SHF: variants seen among roughly 807,000 people sequenced by gnomAD.
SHF encodes the protein Src homology 2 domain containing F.
In SHF, 30 loss-of-function variants were observed where a neutral mutation model predicts 42.4. That is an observed-to-expected ratio of 0.71 (90% CI 0.53 to 0.96). The LOEUF is 0.96. SHF is among the 40% of genes least tolerant of loss of function. SHF has a pLI of 0.00. For synonymous variants in SHF, 264 were observed against 269.9 expected (o/e 0.98, Z 0.21); for missense variants, 598 against 634.0 (o/e 0.94, Z 0.61).
In SHF at chr15:45,168,386, G is replaced by A. The variant is rs75704524; in HGVS notation, c.1281-253C>T. Among the ~76,000 whole-genome samples, 523 of 152,286 alleles carry A rather than the reference G, an allele frequency of 3.4e-3. 3 individuals are homozygous for A. Among genetic ancestry groups the A allele is most frequent in the African/African-American group, 0.012 (505 of 41,562 alleles). ...GAATGTGTGTATAGGGAGCATACAG[G>A]GTGTGTGCAGGTGGAAACTGAGCGA... On this transcript the variant is annotated intron_variant, in intron 6 of 6. Transcript: ENST00000690270.
chr15:45,200,057 A>G (rs1056131992), intron 1 of SHF: 3 of 151,066 alleles, frequency 2.0e-5, no homozygotes, highest in Non-Finnish European at 3.0e-5. Context: ...GCTGCCTGAC[A>G]AATTCTCACT....
intron 1 of SHF, among the ~76,000 whole-genome samples, chr15:45,186,774 G>A (rs1239845051): frequency 6.6e-6 from 1 of 152,262 alleles, no homozygotes; most frequent in Non-Finnish European, 1.5e-5. Flanking sequence ...TACCTGAGAG[G>A]ACGAGGGAAG....
rs369814783 is a variant in SHF, at chr15:45,198,770, A to G, written c.303+2T>C. 28 of 1,607,006 alleles carry G rather than the reference A, an allele frequency of 1.7e-5. No individual in the cohort carries two copies. The African/African-American group carries it at 2.4e-4, about 14-fold the overall frequency. On this transcript the variant is annotated splice_donor_variant, in intron 2 of 7. Transcript: ENST00000290894. LOFTEE classifies it high-confidence loss of function. Reference sequence around the variant, plus strand: ...TTGCGCGTCATTAAATGGCCTACTTACGGGGCGAGGTTCCAGCCTGTCCCT... The same window carrying G: ...TTGCGCGTCATTAAATGGCCTACTTGCGGGGCGAGGTTCCAGCCTGTCCCT...
chr15:45,173,551 T>A (rs1897634425), intron 4 of SHF, 25 bp downstream of exon 4: 1 of 1,473,460 alleles, frequency 6.8e-7, no homozygotes, highest in African/African-American at 1.4e-5. Flanking sequence ...CATGTCACCC[T>A]GGCCAGAAGC....
chr15:45,179,450 CCTTCA>C (rs1898003715), intron 1 of SHF, among the ~76,000 whole-genome samples: 1 of 146,996 alleles, frequency 6.8e-6, no homozygotes, highest in Non-Finnish European at 1.5e-5. Flanking sequence ...TCACTTTGGC[CCTTCA>C]CTTCCTACGC....
intron 1 of SHF, among the ~76,000 whole-genome samples, chr15:45,180,504 T>C (rs1898071812): frequency 6.6e-6 from 1 of 152,198 alleles, no homozygotes; most frequent in Non-Finnish European, 1.5e-5. Context: ...TCTCCAGTGC[T>C]TCAGGAAAAA....
chr15:45,184,572 G>A (rs375736757), intron 1 of SHF, among the ~76,000 whole-genome samples: 35 of 152,326 alleles, frequency 2.3e-4, no homozygotes, highest in African/African-American at 7.0e-4. Context: ...CCCCAAACAC[G>A]TATCTTGGCA....
At chr15:45,186,678 G>A (rs1399418738) in intron 1 of SHF, among the ~76,000 whole-genome samples, 1 of 152,272 alleles carries the variant, frequency 6.6e-6, no homozygotes. Flanking sequence ...TGGACCAGGG[G>A]GAGAGGGAGG....
At chr15:45,185,922 G>C (rs1477380079) in intron 1 of SHF, among the ~76,000 whole-genome samples, 1 of 152,250 alleles carries the variant, frequency 6.6e-6, no homozygotes, top group Non-Finnish European at 1.5e-5. Context: ...AAGAAGACAT[G>C]GTCTGTGTCC....
chr15:45,188,556 C>T (rs1898595072), upstream of SHF, among the ~76,000 whole-genome samples: 1 of 152,250 alleles, frequency 6.6e-6, no homozygotes, highest in Admixed American at 6.5e-5. Flanking sequence ...CAGGCAAACA[C>T]ATCTCACATC....
intron 1 of SHF, chr15:45,199,194 A>G (rs1898982104): frequency 1.7e-6 from 2 of 1,178,520 alleles, no homozygotes; most frequent in African/African-American, 3.1e-5. Context: ...ACTTCCTTCC[A>G]GCCTCTCATA....
At chr15:45,198,588 G>T in intron 2 of SHF, 1 of 611,288 alleles carries the variant, frequency 1.6e-6, no homozygotes, top group Non-Finnish European at 2.6e-6. Context: ...GCCCCTTGCC[G>T]TGCCATTGTT....
intron 1 of SHF, among the ~76,000 whole-genome samples, chr15:45,182,595 T>C (rs746635756): frequency 2.6e-5 from 4 of 152,232 alleles, no homozygotes; most frequent in Admixed American, 6.5e-5. Flanking sequence ...TATGTTATCA[T>C]AGATTTTTCA....
At chr15:45,174,988 G>A (rs979485131) in intron 3 of SHF, among the ~76,000 whole-genome samples, 1 of 152,158 alleles carries the variant, frequency 6.6e-6, no homozygotes, top group Non-Finnish European at 1.5e-5. Flanking sequence ...CCAAGAGGTG[G>A]TGATGCAGGG....
chr15:45,191,138 C>T (rs925511173), upstream of SHF, among the ~76,000 whole-genome samples: 1 of 152,208 alleles, frequency 6.6e-6, no homozygotes, highest in African/African-American at 2.4e-5. Flanking sequence ...AATCATAGCT[C>T]ACTGCAGCCT....
intron 3 of SHF, 30 bp from the exon 4 acceptor site, chr15:45,173,746 G>A: frequency 6.5e-7 from 1 of 1,549,412 alleles, no homozygotes; most frequent in Non-Finnish European, 8.7e-7. Flanking sequence ...TGAGAAGAGA[G>A]ACAGACAGTG....
intron 2 of SHF, among the ~76,000 whole-genome samples, chr15:45,198,130 C>T (rs1349938372): frequency 6.6e-6 from 1 of 151,872 alleles, no homozygotes; most frequent in Non-Finnish European, 1.5e-5. Context: ...AAAAATTATC[C>T]GAGCATGGTG....
chr15:45,190,864 G>A (rs978399079), upstream of SHF, among the ~76,000 whole-genome samples: 5 of 152,104 alleles, frequency 3.3e-5, no homozygotes, highest in African/African-American at 1.2e-4. Flanking sequence ...AAAAACTTGT[G>A]TGCACCATAC....
chr15:45,196,171 C>T (rs1211434994), intron 2 of SHF, among the ~76,000 whole-genome samples: 2 of 145,306 alleles, frequency 1.4e-5, no homozygotes, highest in African/African-American at 5.1e-5. Flanking sequence ...GATCTCAGCT[C>T]ACTGCAACCT....
Sources: allele counts gnomAD v4.1 joint callset (sites outside exome capture counted in the v4.1 genomes callset), GRCh38; gene constraint gnomAD v4.1.1; transcripts MANE v1.5; gene names NCBI Gene and HGNC (gene_info 2026-07-23, HGNC 2026-07-21).